Variants in ZNF696 observed in about 807,000 individuals in gnomAD.
ZNF696 encodes the protein zinc finger protein 696.
ZNF696 carries 10 observed loss-of-function variants against 12.3 expected under a neutral mutation model. That is an observed-to-expected ratio of 0.81 (90% CI 0.50 to 1.38). The LOEUF is 1.38. Among genes scored for constraint, ZNF696 ranks in the 40% most tolerant of loss-of-function variants. The pLI, the probability that ZNF696 is intolerant of heterozygous loss-of-function variation, is 0.00. For missense variants in ZNF696, 675 were observed against 554.7 expected (o/e 1.22, Z -2.18); for synonymous variants, 304 against 243.9 (o/e 1.25, Z -2.29).
rs1815730818 is a variant in ZNF696, at chr8:143,296,911, C to T, written c.*111C>T. The T allele has an allele frequency of 9.1e-7, 1 of 1,101,594 alleles. No individual in the cohort carries two copies. Among genetic ancestry groups the T allele is most frequent in the South Asian group, 2.1e-5 (1 of 46,856 alleles). The allele number at this position is 1,101,594 out of a possible 1,614,324, so 68.2% of individuals were successfully genotyped here. On this transcript the variant is annotated 3_prime_UTR_variant, in exon 3 of 3. Coordinates refer to ENST00000330143, the MANE Select transcript of ZNF696 (RefSeq NM_030895.3). ...TGAGGAAGTAACAGCCGGCTGCGCG[C>T]CTGGTTCTCGGGTTGCGAAAGCCTC...
chr8:143,296,591 T>C lies in ZNF696; in HGVS notation c.916T>C (p.Ser306Pro). Residue 306 changes from serine to proline, a missense_variant, in exon 3 of 3, where the codon TCC (serine) becomes CCC (proline). Coordinates refer to ENST00000330143, the MANE Select transcript of ZNF696 (RefSeq NM_030895.3). ...QDCGRAFSRSSFLREHRRIHT... is the reference protein window; with the variant it reads ...QDCGRAFSRSPFLREHRRIHT... ...CTGCGGCCGCGCCTTCAGCCGCAGC[T>C]CCTTCCTCCGCGAGCACCGCCGCAT... 3 of 1,590,604 alleles carry C rather than the reference T, an allele frequency of 1.9e-6. No individual in the cohort carries two copies. The highest frequency in any genetic ancestry group is 1.7e-4 in the Middle Eastern group (1 of 6,028).
rs1339178887 is a variant in ZNF696 at position 143,296,287 on chromosome 8, G to C, written c.612G>C (p.Thr204=). 6.3e-7 allele frequency: 1 copy of C among 1,598,122 alleles called. No individual in the cohort carries two copies. Among genetic ancestry groups the C allele is most frequent in the Non-Finnish European group, 8.5e-7 (1 of 1,176,048 alleles). Residue 204 remains threonine, a synonymous_variant, in exon 3 of 3, where the codon ACG becomes ACC. Transcript: ENST00000330143. ...FNLLRHQRVH[T]GEKPYACADC... is the part of the protein sequence containing the mutation. ...TCCTCCGGCACCAGCGCGTGCACAC[G>C]GGCGAGAAGCCCTACGCGTGCGCCG...
chr8:143,299,031 C>T lies in ZNF696; in HGVS notation c.*2231C>T, dbSNP rs534471444. ...AAAATTAGCTGGGCATGGTGGCCCACACCTGTAATCCCAGCTACTCGGGCA... is the reference window on the plus strand; with the variant it reads ...AAAATTAGCTGGGCATGGTGGCCCATACCTGTAATCCCAGCTACTCGGGCA... On this transcript the variant is annotated 3_prime_UTR_variant, in exon 3 of 3. Transcript: ENST00000330143. Among the ~76,000 whole-genome samples, 26 of 152,284 alleles carry T rather than the reference C, an allele frequency of 1.7e-4. No homozygotes were observed. The highest frequency in any genetic ancestry group is 3.4e-4 in the Non-Finnish European group (23 of 68,036).
In ZNF696 at chr8:143,291,511, C is replaced by T; in HGVS notation, c.-287C>T. 1.0e-6 allele frequency: 1 copy of T among 984,400 alleles called. No homozygotes were observed. Among genetic ancestry groups the T allele is most frequent in the South Asian group, 4.7e-5 (1 of 21,258 alleles). 61.0% of individuals were successfully genotyped at this position (984,400 alleles called of 1,614,324 possible). ...AGGGCTGAGGGCGCGGCCGAGAGAA[C>T]GGGGCGGTCACCGCCGCCGTGGCCC... On this transcript the variant is annotated 5_prime_UTR_variant, in exon 1 of 3. The change creates a new upstream start codon in the 5' untranslated region. Transcript: ENST00000330143.
intron 1 of ZNF696, among the ~76,000 whole-genome samples, chr8:143,292,536 C>T (rs567340904): frequency 1.8e-4 from 27 of 151,890 alleles, no homozygotes; most frequent in African/African-American, 6.0e-4. Flanking sequence ...AAAACTTTAC[C>T]ATTCAAATAA....
Position 143,296,634 on chromosome 8 carries a change from C to T in ZNF696, c.959C>T (p.Pro320Leu). 1 of 1,585,268 alleles carries T rather than the reference C, an allele frequency of 6.3e-7. No individual in the cohort carries two copies. Residue 320 changes from proline to leucine, a missense_variant, in exon 3 of 3, where the codon CCC (proline) becomes CTC (leucine). By Grantham distance (98) the Pro-to-Leu change is moderately conservative. Coordinates refer to ENST00000330143, the MANE Select transcript of ZNF696 (RefSeq NM_030895.3). Reference protein sequence around the residue: ...EHRRIHTGEKPHQCGHCGRAF... With the variant: ...EHRRIHTGEKLHQCGHCGRAF... ...CGCCGCATCCACACCGGGGAGAAGC[C>T]CCACCAGTGCGGCCACTGCGGGCGC... is the stretch of plus-strand genomic sequence containing the variant.
intron 2 of ZNF696, among the ~76,000 whole-genome samples, chr8:143,295,209 C>T (rs1760057600): frequency 1.3e-5 from 2 of 152,194 alleles, no homozygotes; most frequent in South Asian, 4.1e-4. Context: ...CTGTCTCCAG[C>T]CTCCTTTGCT....
intron 1 of ZNF696, chr8:143,292,423 G>A (rs1344380155): frequency 6.8e-6 from 1 of 146,132 alleles, no homozygotes; most frequent in African/African-American, 2.5e-5. Context: ...TGCATTGCAC[G>A]TATTCCTCCC....
rs1815731624 is a variant in ZNF696 at position 143,296,964 on chromosome 8, G to C, written c.*164G>C. The C allele has an allele frequency of 4.4e-5, 28 of 635,300 alleles. No individual in the cohort carries two copies. The South Asian group carries it at 4.7e-4, about 11-fold the overall frequency. The allele number at this position is 635,300 out of a possible 1,614,324, so 39.4% of individuals were successfully genotyped here. Reference sequence around the variant, plus strand: ...CAGGCCTGCATCCGCCTTGGCTTGGGAGCAATCAGGAGAGACAGGGCTCGG... The same window carrying C: ...CAGGCCTGCATCCGCCTTGGCTTGGCAGCAATCAGGAGAGACAGGGCTCGG... On this transcript the variant is annotated 3_prime_UTR_variant, in exon 3 of 3. Coordinates refer to ENST00000330143, the MANE Select transcript of ZNF696 (RefSeq NM_030895.3).
chr8:143,298,051 GTCA>G lies in ZNF696; in HGVS notation c.*1256_*1258del. The G allele has an allele frequency of 6.6e-6, 1 of 152,326 alleles. No individual in the cohort carries two copies. The highest frequency in any genetic ancestry group is 1.9e-4 in the East Asian group (1 of 5,188). 9.4% of individuals were successfully genotyped at this position (152,326 alleles called of 1,614,324 possible). A position where few individuals can be genotyped will look rare whatever the true frequency, so the allele number is the denominator to read the frequency against. On this transcript the variant is annotated 3_prime_UTR_variant, in exon 3 of 3. Transcript: ENST00000330143. Reference sequence around the variant, plus strand: ...TTTTGGGGGCGTATAGTAAAGCTCTGTCATCATGAATTAAGCGAGGTGGGCTTT... The same window carrying G: ...TTTTGGGGGCGTATAGTAAAGCTCTGTCATGAATTAAGCGAGGTGGGCTTT...
rs775294631 is a variant in ZNF696 at position 143,296,730 on chromosome 8, C to T, written c.1055C>T (p.Thr352Ile). 1 of 1,515,512 alleles carries T rather than the reference C, an allele frequency of 6.6e-7. No homozygotes were observed. The highest frequency in any genetic ancestry group is 1.4e-5 in the African/African-American group (1 of 70,432). 93.9% of individuals were successfully genotyped at this position (1,515,512 alleles called of 1,614,324 possible). Residue 352 changes from threonine to isoleucine, a missense_variant, in exon 3 of 3, where the codon ACC (threonine) becomes ATC (isoleucine). Thr to Ile is a moderately conservative substitution (Grantham distance 89, BLOSUM62 -1). Transcript: ENST00000330143. The stretch of plus-strand genomic sequence containing the variant: ...ACGGGCGAGAAGCCGTTCCGCTGCA[C>T]CGAGTGCGGCCGCGCCTTCCGCCTG... The part of the protein sequence containing the change: ...LHTGEKPFRC[T>I]ECGRAFRLSF...
At chr8:143,294,900 G>A (rs1434256572) in intron 2 of ZNF696, among the ~76,000 whole-genome samples, 1 of 151,994 alleles carries the variant, frequency 6.6e-6, no homozygotes, top group Non-Finnish European at 1.5e-5. Context: ...ACCAGCCTGG[G>A]CAACACATTG....
At chr8:143,291,987 C>T (rs1460773104) in intron 1 of ZNF696, among the ~76,000 whole-genome samples, 1 of 152,082 alleles carries the variant, frequency 6.6e-6, no homozygotes, top group East Asian at 1.9e-4. Context: ...AAGACAGGGT[C>T]TCACTCCAAC....
rs937706630 is a variant in ZNF696 at position 143,291,676 on chromosome 8, G to C, written c.-122G>C. The C allele has an allele frequency of 1.0e-6, 1 of 985,394 alleles. No individual in the cohort carries two copies. Among genetic ancestry groups the C allele is most frequent in the African/African-American group, 1.7e-5 (1 of 57,268 alleles). 61.0% of individuals were successfully genotyped at this position (985,394 alleles called of 1,614,324 possible). A position where few individuals can be genotyped will look rare whatever the true frequency, so the allele number is the denominator to read the frequency against. ...GCTGAGTCCCCGCTGCGCGTCTTCA[G>C]GCCTTTGTAAGTTGTCAAATTTCCC... On this transcript the variant is annotated 5_prime_UTR_variant, in exon 1 of 3. Coordinates refer to ENST00000330143, the MANE Select transcript of ZNF696 (RefSeq NM_030895.3).
In ZNF696 at chr8:143,296,249, C is replaced by G; in HGVS notation, c.574C>G (p.Gln192Glu). Residue 192 changes from glutamine (Q) to glutamate (E), a missense_variant, in exon 3 of 3, where the codon CAG (glutamine) becomes GAG (glutamate). Gln to Glu is a conservative substitution (Grantham distance 29). Transcript: ENST00000330143. ...CGCCGAGTGCGGCAAGGCCTTCGGC[C>G]AGAGCTTCAACCTCCTCCGGCACCA... ...ACAECGKAFGQSFNLLRHQRV... is the reference protein window; with the variant it reads ...ACAECGKAFGESFNLLRHQRV... 1 of 1,597,546 alleles carries G rather than the reference C, an allele frequency of 6.3e-7. No homozygotes were observed. Among genetic ancestry groups the G allele is most frequent in the Non-Finnish European group, 8.5e-7 (1 of 1,175,654 alleles).
At position 143,296,858 on chromosome 8, in the gene ZNF696, G is replaced by A. The variant is rs1018515731; in HGVS notation, c.*58G>A. On this transcript the variant is annotated 3_prime_UTR_variant, in exon 3 of 3. Transcript: ENST00000330143. ...CTGGTGGGCGCGAGGCCGAGGCCGG[G>A]GGAGGCTCCTGTCCGCCCCGTGCGC... 887 of 1,346,560 alleles carry A rather than the reference G, an allele frequency of 6.6e-4. 15 individuals carry two copies. Among genetic ancestry groups the A allele is most frequent in the Non-Finnish European group, 1.5e-4 (158 of 1,049,320 alleles). 83.4% of individuals were successfully genotyped at this position (1,346,560 alleles called of 1,614,324 possible).
rs556585935 is a variant in ZNF696 at position 143,299,250 on chromosome 8, C to CATAT, written c.*2451_*2454dup. Among the ~76,000 whole-genome samples the CATAT allele has an allele frequency of 6.6e-6, 1 of 151,942 alleles. No individual in the cohort carries two copies. The highest frequency in any genetic ancestry group is 2.4e-5 in the African/African-American group (1 of 41,386). On this transcript the variant is annotated 3_prime_UTR_variant, in exon 3 of 3. Coordinates refer to ENST00000330143, the MANE Select transcript of ZNF696 (RefSeq NM_030895.3). ...GCAAATAAAATTATAAATATGAATACATATGTATATATAAAAGAATAGTGT... is the reference window on the plus strand; with the variant it reads ...GCAAATAAAATTATAAATATGAATACATATATATGTATATATAAAAGAATAGTGT...
Position 143,296,287 on chromosome 8 carries a change from G to T in ZNF696, c.612G>T (p.Thr204=). 1 of 1,598,236 alleles carries T rather than the reference G, an allele frequency of 6.3e-7. No individual in the cohort carries two copies. The highest frequency in any genetic ancestry group is 8.5e-7 in the Non-Finnish European group (1 of 1,176,040). The stretch of plus-strand genomic sequence containing the variant: ...TCCTCCGGCACCAGCGCGTGCACAC[G>T]GGCGAGAAGCCCTACGCGTGCGCCG... ...FNLLRHQRVH[T]GEKPYACADC... is the part of the protein sequence containing the mutation. The change falls in exon 3 of 3, where the codon ACG becomes ACT. Residue 204 remains threonine, a synonymous_variant. Transcript: ENST00000330143.
At position 143,296,060 on chromosome 8, in the gene ZNF696, G is replaced by T. The variant is rs779308003; in HGVS notation, c.385G>T (p.Ala129Ser). 7.5e-6 allele frequency: 12 copies of T among 1,593,212 alleles called. No homozygotes were observed. In the South Asian group the frequency reaches 1.3e-4, roughly 18 times the overall value. ...SWKGRPFPCG[A>S]CGRSFKCSSD... ...GAAGGGGCGGCCTTTCCCGTGCGGC[G>T]CCTGTGGCCGCAGCTTCAAGTGCTC... The change falls in exon 3 of 3, where the codon GCC becomes TCC. Residue 129 changes from alanine to serine, a missense_variant. Physicochemically the swap from Ala to Ser is moderately conservative, Grantham distance 99. Coordinates refer to ENST00000330143, the MANE Select transcript of ZNF696 (RefSeq NM_030895.3).
Sources: gnomAD v4.1 joint callset for allele counts (sites outside exome capture counted in the v4.1 genomes callset) on GRCh38, gnomAD v4.1.1 for gene constraint, MANE v1.5 for transcripts, NCBI Gene and HGNC (gene_info 2026-07-23, HGNC 2026-07-21) for gene names.